The following TBC1D19 variants were observed in gnomAD, a reference collection of about 807,000 sequenced individuals.
TBC1D19 encodes the protein TBC1 domain family member 19.
A neutral mutation model predicts 89.0 loss-of-function variants in TBC1D19; 60 were observed. The ratio of observed to expected loss-of-function variants is 0.67; its 90% CI spans 0.55 to 0.84. TBC1D19 has a LOEUF of 0.84. Ranked by LOEUF, TBC1D19 falls within the 40% of genes least tolerant of loss-of-function variation. The pLI is 0.00. For missense variants in TBC1D19, 500 were observed against 610.8 expected, an observed-to-expected ratio of 0.82 and a Z score of 1.91; for synonymous variants, 189 against 199.7, an observed-to-expected ratio of 0.95 and a Z score of 0.45.
At chr4:26,748,136 C>G (rs1049814575) in intron 18 of TBC1D19, among the ~76,000 whole-genome samples, 1 of 152,136 alleles carries the variant, frequency 6.6e-6, no homozygotes, top group Non-Finnish European at 1.5e-5. Flanking sequence ...CTCTGAAAAA[C>G]AGAATGTAGA....
chr4:26,833,789 A>G, the TBC1D19 span, among the ~76,000 whole-genome samples: 134 of 152,266 alleles, frequency 8.8e-4, no homozygotes, highest in Non-Finnish European at 1.5e-3. Flanking sequence ...GTTCACAGAG[A>G]TTTACTGATG....
intron 11 of TBC1D19, among the ~76,000 whole-genome samples, chr4:26,675,830 A>C (rs1367463889): frequency 6.6e-6 from 1 of 152,132 alleles, no homozygotes; most frequent in Non-Finnish European, 1.5e-5. Flanking sequence ...TTTCAATACA[A>C]AGACTTTGGA....
Position 26,638,846 on chromosome 4 carries a change from AT to A in TBC1D19, c.433+18del, listed in dbSNP as rs779035892. On this transcript the variant is annotated intron_variant, in intron 6 of 20. Transcript: ENST00000264866. ...AACTGATGAACCAGGTATGTGAACA[AT>A]TTTTTCTGAATGTAGTAGTGGAAAA... 9 of 1,597,572 alleles carry A rather than the reference AT, an allele frequency of 5.6e-6. No homozygotes were observed. Among genetic ancestry groups the A allele is most frequent in the African/African-American group, 2.7e-5 (2 of 74,182 alleles).
chr4:26,577,283 G>T (rs941212896), intron 1 of TBC1D19, among the ~76,000 whole-genome samples: 8 of 145,036 alleles, frequency 5.5e-5, no homozygotes, highest in Admixed American at 2.7e-4. Context: ...CTTCTCTCTC[G>T]TGTGTGTGTG....
chr4:26,683,648 ATT>A (rs761800866), intron 11 of TBC1D19, 25 bp from the exon 12 acceptor site: 4 of 1,578,774 alleles, frequency 2.5e-6, no homozygotes, highest in East Asian at 2.2e-5. Context: ...TTGACCTTTA[ATT>A]TTTTTGTTTT....
intron 13 of TBC1D19, among the ~76,000 whole-genome samples, chr4:26,695,999 C>G (rs889528673): frequency 2.2e-4 from 33 of 152,186 alleles, no homozygotes; most frequent in Non-Finnish European, 3.7e-4. Flanking sequence ...ATCAAATTCA[C>G]ACATAACAAT....
chr4:26,838,676 C>CTGACA, the TBC1D19 span, among the ~76,000 whole-genome samples: 3 of 152,202 alleles, frequency 2.0e-5, no homozygotes, highest in South Asian at 6.2e-4. Flanking sequence ...TGTACTTTGT[C>CTGACA]AGACTGGAGG....
chr4:26,847,863 C>T, the TBC1D19 span, among the ~76,000 whole-genome samples: 31 of 152,192 alleles, frequency 2.0e-4, no homozygotes, highest in East Asian at 5.2e-3. Flanking sequence ...ATTTGGTAAA[C>T]GTGAAGAAGG....
intron 4 of TBC1D19, among the ~76,000 whole-genome samples, chr4:26,622,289 A>T (rs915995558): frequency 1.3e-5 from 2 of 152,186 alleles, no homozygotes; most frequent in African/African-American, 4.8e-5. Flanking sequence ...AAAACTAAGA[A>T]GGTTGGGCCT....
downstream of TBC1D19, among the ~76,000 whole-genome samples, chr4:26,758,959 C>G (rs1222114300): frequency 6.6e-6 from 1 of 152,188 alleles, no homozygotes; most frequent in African/African-American, 2.4e-5. Flanking sequence ...ACCTACTGAA[C>G]TACTCGAAGT....
chr4:26,818,084 G>T, the TBC1D19 span, among the ~76,000 whole-genome samples: 1 of 151,566 alleles, frequency 6.6e-6, no homozygotes. Context: ...CACCTGCCAT[G>T]TGAATGGGGC....
intron 8 of TBC1D19, 110 bp from the exon 9 acceptor site, chr4:26,666,223 C>A: frequency 1.2e-6 from 1 of 816,506 alleles, no homozygotes; most frequent in Non-Finnish European, 2.0e-6. Flanking sequence ...AGCAAAGCCT[C>A]ATTTCACACT....
chr4:26,596,473 TGTGTGTGTGTGTGTGA>T (rs1740220984), intron 1 of TBC1D19, among the ~76,000 whole-genome samples: 1 of 151,848 alleles, frequency 6.6e-6, no homozygotes, highest in African/African-American at 2.4e-5. Context: ...TGTGTGTGTG[TGTGTGTGTGTGTGTGA>T]GAGAGAGTGT....
At chr4:26,643,919 G>A (rs1743726229) in intron 7 of TBC1D19, among the ~76,000 whole-genome samples, 1 of 152,176 alleles carries the variant, frequency 6.6e-6, no homozygotes, top group Non-Finnish European at 1.5e-5. Flanking sequence ...CTCTGAAATT[G>A]AGGCAATAAT....
chr4:26,605,768 T>C (rs886535229), intron 1 of TBC1D19, among the ~76,000 whole-genome samples: 3 of 152,222 alleles, frequency 2.0e-5, no homozygotes, highest in African/African-American at 2.4e-5. Context: ...AGATGGTATC[T>C]CATTGTGGTT....
At chr4:26,823,349 A>G in the TBC1D19 span, among the ~76,000 whole-genome samples, 1 of 152,210 alleles carries the variant, frequency 6.6e-6, no homozygotes, top group East Asian at 1.9e-4. Context: ...CAGCCAAAAC[A>G]TATCTCAAAC....
At chr4:26,807,065 C>G in the TBC1D19 span, among the ~76,000 whole-genome samples, 1 of 151,996 alleles carries the variant, frequency 6.6e-6, no homozygotes, top group Non-Finnish European at 1.5e-5. Flanking sequence ...TTGAAGACAC[C>G]CCCTTCCCAC....
intron 7 of TBC1D19, among the ~76,000 whole-genome samples, chr4:26,653,385 C>T (rs527632737): frequency 2.0e-4 from 30 of 152,050 alleles, no homozygotes; most frequent in South Asian, 1.5e-3. Context: ...CTATTAGGTC[C>T]GCTTGGTGCA....
chr4:26,652,373 T>C (rs531568151), intron 7 of TBC1D19, among the ~76,000 whole-genome samples: 1 of 152,310 alleles, frequency 6.6e-6, no homozygotes, highest in Admixed American at 6.5e-5. Context: ...AAGCTATTAA[T>C]TATTGCCTCA....
Sources: gnomAD v4.1 joint callset for allele counts (sites outside exome capture counted in the v4.1 genomes callset) on GRCh38, gnomAD v4.1.1 for gene constraint, MANE v1.5 for transcripts, NCBI Gene and HGNC (gene_info 2026-07-23, HGNC 2026-07-21) for gene names.